Variants in VWA3B observed in about 807,000 individuals in gnomAD.
VWA3B encodes the protein von Willebrand factor A domain-containing protein 3B.
Under a neutral mutation model 158.3 loss-of-function variants are expected in VWA3B, and 138 were observed. That is an observed-to-expected ratio of 0.87 (90% CI 0.76 to 1.00). VWA3B has a LOEUF of 1.00. Among genes scored for constraint, VWA3B ranks in the 50% least tolerant of loss-of-function variants. The pLI is 0.00. For missense variants in VWA3B, 1,555 were observed against 1,565.1 expected (o/e 0.99, Z 0.11); for synonymous variants, 596 against 587.3 (o/e 1.01, Z -0.21).
intron 20 of VWA3B, among the ~76,000 whole-genome samples, chr2:98,251,640 G>A (rs1686807603): frequency 6.6e-6 from 1 of 152,178 alleles, no homozygotes; most frequent in South Asian, 2.1e-4. Context: ...GTGAAATAAA[G>A]TTCAGGAAAG....
intron 21 of VWA3B, among the ~76,000 whole-genome samples, chr2:98,269,947 A>C (rs191941479): frequency 4.4e-4 from 67 of 152,280 alleles, no homozygotes; most frequent in African/African-American, 1.5e-3. Context: ...TAAATAAATA[A>C]GTGATGCTTT....
At chr2:98,209,971 C>T (rs2105533614) in intron 12 of VWA3B, among the ~76,000 whole-genome samples, 1 of 152,282 alleles carries the variant, frequency 6.6e-6, no homozygotes, top group Non-Finnish European at 1.5e-5. Context: ...TGGGGCCCCT[C>T]AATTCCTGTT....
At chr2:98,205,662 T>C (rs1288849204) in intron 12 of VWA3B, among the ~76,000 whole-genome samples, 3 of 152,210 alleles carry the variant, frequency 2.0e-5, no homozygotes, top group Admixed American at 2.0e-4. Context: ...AAGCTTTTAG[T>C]ACCATAAATT....
At chr2:98,210,305 T>C (rs898116116) in intron 12 of VWA3B, among the ~76,000 whole-genome samples, 3 of 152,138 alleles carry the variant, frequency 2.0e-5, no homozygotes, top group African/African-American at 7.2e-5. Flanking sequence ...CCCTAGAAGA[T>C]GTATTTAGCA....
chr2:98,169,871 C>T (rs1473315647), intron 8 of VWA3B, among the ~76,000 whole-genome samples: 1 of 151,976 alleles, frequency 6.6e-6, no homozygotes, highest in East Asian at 1.9e-4. Context: ...GTAATCCCAG[C>T]ACTTTAGGAG....
intron 14 of VWA3B, among the ~76,000 whole-genome samples, chr2:98,218,793 C>A (rs1464843862): frequency 6.6e-6 from 1 of 152,164 alleles, no homozygotes; most frequent in Admixed American, 6.6e-5. Context: ...TGTGAGTGAA[C>A]TACCTGAGAC....
intron 2 of VWA3B, among the ~76,000 whole-genome samples, chr2:98,097,795 C>A (rs1475066530): frequency 6.6e-6 from 1 of 151,998 alleles, no homozygotes; most frequent in African/African-American, 2.4e-5. Flanking sequence ...CTATTAATGG[C>A]CATTCTGGCT....
intron 7 of VWA3B, among the ~76,000 whole-genome samples, chr2:98,134,458 A>G (rs1559561430): frequency 6.6e-6 from 1 of 152,224 alleles, no homozygotes; most frequent in Non-Finnish European, 1.5e-5. Flanking sequence ...TAATGAGCAC[A>G]GAGAATGAGG....
intron 21 of VWA3B, among the ~76,000 whole-genome samples, chr2:98,261,190 G>C (rs548164214): frequency 1.2e-4 from 18 of 151,568 alleles, no homozygotes; most frequent in African/African-American, 4.1e-4. Flanking sequence ...ATACTTTTTA[G>C]TTATTTTCTT....
chr2:98,252,730 A>C (rs989933870), intron 20 of VWA3B, among the ~76,000 whole-genome samples: 1 of 152,082 alleles, frequency 6.6e-6, no homozygotes, highest in African/African-American at 2.4e-5. Flanking sequence ...CACTGCATTG[A>C]CCTTTTCCCA....
chr2:98,268,219 C>T (rs1186666836), intron 21 of VWA3B, among the ~76,000 whole-genome samples: 2 of 151,436 alleles, frequency 1.3e-5, no homozygotes, highest in African/African-American at 2.4e-5. Context: ...ATACCAAAGC[C>T]AGGCAGAGAC....
chr2:98,096,249 G>A (rs747680165), intron 2 of VWA3B, among the ~76,000 whole-genome samples: 1 of 151,962 alleles, frequency 6.6e-6, no homozygotes, highest in Non-Finnish European at 1.5e-5. Context: ...CCATTCAGTC[G>A]TGGGCTTTTC....
chr2:98,192,372 A>T (rs1032377995), intron 10 of VWA3B: 1 of 160,462 alleles, frequency 6.2e-6, no homozygotes, highest in Admixed American at 5.8e-5. Context: ...ATTTGGGTAG[A>T]TAAAGGAAAA....
chr2:98,244,723 GAC>G (rs1164328145), intron 19 of VWA3B, among the ~76,000 whole-genome samples: 10 of 152,146 alleles, frequency 6.6e-5, no homozygotes, highest in Non-Finnish European at 1.2e-4. Context: ...GAAGAGGAAA[GAC>G]ACACAACAAA....
At chr2:98,318,537 A>G in the VWA3B span, among the ~76,000 whole-genome samples, 6,765 of 152,296 alleles carry the variant, frequency 0.044, 184 homozygotes, top group South Asian at 0.065. Flanking sequence ...ACATGGACAC[A>G]TGGTGGAGGG....
At chr2:98,242,601 G>A (rs62156709) in intron 19 of VWA3B, among the ~76,000 whole-genome samples, 5,890 of 150,990 alleles carry the variant, frequency 0.039, 168 homozygotes, top group Middle Eastern at 0.078. Flanking sequence ...TGTGTTGTCC[G>A]TCCTTCTCCG....
chr2:98,107,512 G>A (rs765522442), intron 2 of VWA3B, among the ~76,000 whole-genome samples: 2 of 151,994 alleles, frequency 1.3e-5, no homozygotes, highest in Admixed American at 1.3e-4. Context: ...TCCAGGCCTG[G>A]AGATTCCTTT....
intron 2 of VWA3B, 73 bp from the exon 3 acceptor site, chr2:98,115,579 A>G (rs2104935782): frequency 1.7e-6 from 2 of 1,163,678 alleles, no homozygotes; most frequent in East Asian, 2.4e-5. Context: ...TCAGAGAAAA[A>G]CATTTCAAAA....
intron 7 of VWA3B, among the ~76,000 whole-genome samples, chr2:98,153,418 CTG>C (rs1260513371): frequency 1.3e-5 from 2 of 152,172 alleles, no homozygotes; most frequent in African/African-American, 2.4e-5. Context: ...CCTTCAGAAA[CTG>C]TGCTTTTTGT....
Sources: allele counts gnomAD v4.1 joint callset (sites outside exome capture counted in the v4.1 genomes callset), GRCh38; gene constraint gnomAD v4.1.1; transcripts MANE v1.5; gene names NCBI Gene and HGNC (gene_info 2026-07-23, HGNC 2026-07-21).